The following AGAP2 variants were observed in gnomAD, a reference collection of about 807,000 sequenced individuals.
AGAP2 encodes ArfGAP with GTPase domain, ankyrin repeat and PH domain 2.
AGAP2 carries 32 observed loss-of-function variants against 110.9 expected under a neutral mutation model. The observed-to-expected ratio is 0.29, with a 90% CI of 0.22 to 0.39. AGAP2 has a LOEUF of 0.39. Among genes scored for constraint, AGAP2 ranks in the 10% least tolerant of loss-of-function variants. The pLI, the probability that AGAP2 is intolerant of heterozygous loss-of-function variation, is 1.00. For synonymous variants in AGAP2, 702 were observed against 713.0 expected (o/e 0.98, Z 0.25); for missense variants, 1,285 against 1,638.5 (o/e 0.78, Z 3.72).
chr12:57,735,495 C>T, intron 1 of AGAP2, 68 bp from the exon 2 acceptor site: 3 of 1,433,258 alleles, frequency 2.1e-6, no homozygotes, highest in Non-Finnish European at 1.9e-6. Flanking sequence ...ACTGAGCCAC[C>T]CCTCCTCCCT....
chr12:57,734,152 C>A lies in AGAP2; in HGVS notation c.1423G>T (p.Val475Leu). The A allele has an allele frequency of 6.2e-7, 1 of 1,612,056 alleles. No homozygotes were observed. Among genetic ancestry groups the A allele is most frequent in the South Asian group, 1.1e-5 (1 of 90,812 alleles). The change falls in exon 5 of 19, where the codon GTG (valine) becomes TTG (leucine). Residue 475 changes from valine (V) to leucine (L), a missense_variant. By Grantham distance (32) the Val-to-Leu change is conservative. Around this residue, in one of 7 missense-constraint regions of AGAP2, gnomAD observed 844 missense variants for 941.2 expected, o/e 0.90. Coordinates refer to ENST00000547588, the MANE Select transcript of AGAP2 (RefSeq NM_001122772.3). The part of the protein sequence containing the change: ...DAKFSGWADA[V>L]IFVFSLEDEN... ...TCCTCCAGGCTGAAGACGAAGATCA[C>A]AGCATCTGCCCAGCCTGAGAACTTG...
rs1565799064 is a variant in AGAP2, at chr12:57,738,233, G to A, written c.14C>T (p.Ala5Val). MSRG[A>V]GALQRRTTTY... ...CGTTGTCCGGCGCTGAAGCGCGCCC[G>A]CGCCCCGGCTCATGGGGCCCGGAGA... The change falls in exon 1 of 19, where the codon GCG (alanine) becomes GTG (valine). Residue 5 changes from alanine (A) to valine (V), a missense_variant. Physicochemically the swap from Ala to Val is moderately conservative, Grantham distance 64. This residue lies in a region of AGAP2 where 844 missense variants were observed against 941.2 expected (regional missense o/e 0.90). Transcript: ENST00000547588. The surrounding 1 kb of genome is among the most constrained non-coding windows in gnomAD (Gnocchi z 6.7). 1.3e-6 allele frequency: 2 copies of A among 1,516,226 alleles called. No individual in the cohort carries two copies. Among genetic ancestry groups the A allele is most frequent in the Admixed American group, 2.0e-5 (1 of 49,924 alleles). The allele number at this position is 1,516,226 out of a possible 1,614,324, so 93.9% of individuals were successfully genotyped here.
chr12:57,738,930 G>A (rs1955041616), upstream of AGAP2, among the ~76,000 whole-genome samples: 1 of 151,986 alleles, frequency 6.6e-6, no homozygotes, highest in African/African-American at 2.4e-5. The surrounding 1 kb of genome is among the most constrained non-coding windows in gnomAD (Gnocchi z 6.7). Flanking sequence ...GGCTTGGTCC[G>A]GATGCGCGCT....
intron 14 of AGAP2, 106 bp from the exon 15 acceptor site, chr12:57,728,191 G>A: frequency 1.3e-6 from 2 of 1,517,908 alleles, no homozygotes; most frequent in Non-Finnish European, 1.8e-6. Context: ...TGGGAGTGGG[G>A]CAGTGGGGGT....
At chr12:57,738,949 G>A (rs1353095780), upstream of AGAP2, among the ~76,000 whole-genome samples, 1 of 151,974 alleles carries the variant, frequency 6.6e-6, no homozygotes, top group African/African-American at 2.4e-5. The surrounding 1 kb of genome is among the most constrained non-coding windows in gnomAD (Gnocchi z 6.7). Context: ...CTGTGTCCGG[G>A]CGCTCCCCTC....
At chr12:57,741,797 C>T, upstream of AGAP2, 1 of 1,216,926 alleles carries the variant, frequency 8.2e-7, no homozygotes, top group East Asian at 2.4e-5. Context: ...TTCCCAGAGT[C>T]CCATCTTGGG....
In AGAP2 at chr12:57,728,221, G is replaced by C. The variant is rs1021126935; in HGVS notation, c.2617+97C>G. 4 of 1,522,532 alleles carry C rather than the reference G, an allele frequency of 2.6e-6. No individual in the cohort carries two copies. In the African/African-American group the frequency reaches 5.5e-5, roughly 21 times the overall value. 94.3% of individuals were successfully genotyped at this position (1,522,532 alleles called of 1,614,324 possible). A position where few individuals can be genotyped will look rare whatever the true frequency, so the allele number is the denominator to read the frequency against. ...GGGGGTAGGGAAAGCAGAGGGTGGG[G>C]GGCAGCAGGAAGCCCGAGCACATGC... On this transcript the variant is annotated intron_variant, in intron 14 of 18. Coordinates refer to ENST00000547588, the MANE Select transcript of AGAP2 (RefSeq NM_001122772.3).
At chr12:57,728,484 G>T (rs1220160022) in intron 13 of AGAP2, 107 bp from the exon 14 acceptor site, 1 of 1,161,038 alleles carries the variant, frequency 8.6e-7, no homozygotes, top group Non-Finnish European at 1.3e-6. Context: ...GATGGAGAGA[G>T]ATAGTGACAG....
At position 57,737,929 on chromosome 12, in the gene AGAP2, G is replaced by C. The variant is rs948628055; in HGVS notation, c.318C>G (p.Pro106=). 5 of 1,391,574 alleles carry C rather than the reference G, an allele frequency of 3.6e-6. No homozygotes were observed. The highest frequency in any genetic ancestry group is 1.6e-5 in the South Asian group (1 of 62,612). 86.2% of individuals were successfully genotyped at this position (1,391,574 alleles called of 1,614,324 possible). Residue 106 remains proline (P), a synonymous_variant, in exon 1 of 19, where the codon CCC becomes CCG. Transcript: ENST00000547588. The surrounding 1 kb of genome is among the most constrained non-coding windows in gnomAD (Gnocchi z 5.9). The stretch of plus-strand genomic sequence containing the variant: ...AGAGGGAGAGGCGGCGGCCGGGAGC[G>C]GGGGAGACTGGGCGGGCCGGACTGG... ...APASPARPVS[P]APGRRLSLWA... is the part of the protein sequence containing the mutation.
chr12:57,726,674 C>G lies in AGAP2; in HGVS notation c.3457G>C (p.Gly1153Arg), dbSNP rs906598073. 3 of 1,219,276 alleles carry G rather than the reference C, an allele frequency of 2.5e-6. No homozygotes were observed. The allele number at this position is 1,219,276 out of a possible 1,614,324, so 75.5% of individuals were successfully genotyped here. A position where few individuals can be genotyped will look rare whatever the true frequency, so the allele number is the denominator to read the frequency against. ...LLQHGCPGEG[G>R]SAATTPSAAT... ...GCGCTGGGCGTGGTGGCCGCGCTGC[C>G]GCCCTCACCCGGGCAGCCGTGCTGG... Residue 1153 changes from glycine to arginine, a missense_variant, in exon 19 of 19, where the codon GGC (glycine) becomes CGC (arginine). By Grantham distance (125) the Gly-to-Arg change is moderately radical. Around this residue, in one of 7 missense-constraint regions of AGAP2, gnomAD observed 201 missense variants for 276.1 expected, o/e 0.73. Coordinates refer to ENST00000547588, the MANE Select transcript of AGAP2 (RefSeq NM_001122772.3). The surrounding 1 kb of genome is among the most constrained non-coding windows in gnomAD (Gnocchi z 5.7).
chr12:57,735,718 CAGACAGGG>C (rs1595092945), intron 1 of AGAP2, among the ~76,000 whole-genome samples: 3 of 152,206 alleles, frequency 2.0e-5, no homozygotes, highest in African/African-American at 7.2e-5. Flanking sequence ...GTCCTGGCCC[CAGACAGGG>C]AGACCAGGGC....
At chr12:57,729,416 C>A (rs1470166454) in intron 13 of AGAP2, among the ~76,000 whole-genome samples, 1 of 150,852 alleles carries the variant, frequency 6.6e-6, no homozygotes, top group African/African-American at 2.4e-5. Context: ...ACATGGACAT[C>A]GTTGAGAACA....
At position 57,726,884 on chromosome 12, in the gene AGAP2, G is replaced by T. The variant is rs1954775479; in HGVS notation, c.3336+90C>A. ...CCCACATGGCCAAGCCTACTTCCGG[G>T]GTCCCTCTGGGAATTTCGGGCTTTC... is the stretch of plus-strand genomic sequence containing the variant. On this transcript the variant is annotated intron_variant, in intron 18 of 18. Transcript: ENST00000547588. This position sits in a 1 kb window ranked among gnomAD's most constrained non-coding sequence, Gnocchi z 5.7. The T allele has an allele frequency of 2.1e-6, 3 of 1,462,832 alleles. No individual in the cohort carries two copies. The highest frequency in any genetic ancestry group is 2.7e-6 in the Non-Finnish European group (3 of 1,113,192). 90.6% of individuals were successfully genotyped at this position (1,462,832 alleles called of 1,614,324 possible). A position where few individuals can be genotyped will look rare whatever the true frequency, so the allele number is the denominator to read the frequency against.
In AGAP2 at chr12:57,731,954, C is replaced by A. The variant is rs778307898; in HGVS notation, c.1808G>T (p.Gly603Val). The change falls in exon 8 of 19, where the codon GGC (glycine) becomes GTC (valine). Residue 603 changes from glycine to valine, a missense_variant. Around this residue, in one of 7 missense-constraint regions of AGAP2, gnomAD observed 844 missense variants for 941.2 expected, o/e 0.90. Transcript: ENST00000547588. ...TPVAGQASNG[G>V]HTSDYSSSLP... Reference sequence around the variant, plus strand: ...GGAAGAAGAGTAGTCGCTAGTGTGGCCCCCGTTACTAGCCTGGGCACATAT... The same window carrying A: ...GGAAGAAGAGTAGTCGCTAGTGTGGACCCCGTTACTAGCCTGGGCACATAT... The A allele has an allele frequency of 3.1e-6, 5 of 1,613,528 alleles. No individual in the cohort carries two copies. Among genetic ancestry groups the A allele is most frequent in the East Asian group, 2.2e-5 (1 of 44,872 alleles).
chr12:57,726,352 T>G lies in AGAP2; in HGVS notation c.*200A>C. 2.8e-6 allele frequency: 1 copy of G among 363,394 alleles called. No homozygotes were observed. The highest frequency in any genetic ancestry group is 4.4e-6 in the Non-Finnish European group (1 of 225,184). The allele number at this position is 363,394 out of a possible 1,614,324, so 22.5% of individuals were successfully genotyped here. The stretch of plus-strand genomic sequence containing the variant: ...GGAGAGGGGGCGTGTTGAGCTGGGG[T>G]CTCCATGCCTCGTTGGGGAGAGGGA... On this transcript the variant is annotated 3_prime_UTR_variant, in exon 19 of 19. Coordinates refer to ENST00000547588, the MANE Select transcript of AGAP2 (RefSeq NM_001122772.3). The surrounding 1 kb of genome is among the most constrained non-coding windows in gnomAD (Gnocchi z 5.7).
upstream of AGAP2, chr12:57,741,899 A>G (rs553541357): frequency 6.2e-7 from 1 of 1,610,684 alleles, no homozygotes; most frequent in East Asian, 2.2e-5. Flanking sequence ...TTGAGGGCTG[A>G]CCTTTCTCTT....
chr12:57,740,779 A>C (rs1238372996), upstream of AGAP2, among the ~76,000 whole-genome samples: 1 of 152,126 alleles, frequency 6.6e-6, no homozygotes, highest in African/African-American at 2.4e-5. Context: ...AGGAGGTGAG[A>C]GGGGCACTAG....
intron 13 of AGAP2, 109 bp from the exon 14 acceptor site, chr12:57,728,486 T>C (rs1408874681): frequency 1.4e-5 from 16 of 1,157,238 alleles, no homozygotes; most frequent in Non-Finnish European, 1.9e-5. Context: ...TGGAGAGAGA[T>C]AGTGACAGAG....
chr12:57,724,014 A>C (rs1223002623), downstream of AGAP2: 1 of 152,432 alleles, frequency 6.6e-6, no homozygotes, highest in East Asian at 1.9e-4. Flanking sequence ...CAGGTCCTCT[A>C]GTCCAATCTT....
Sources: gnomAD v4.1 joint callset for allele counts (sites outside exome capture counted in the v4.1 genomes callset) on GRCh38, gnomAD v4.1.1 for gene constraint, gnomAD v4.1.1 regional missense constraint, Gnocchi (gnomAD v3.1) non-coding constraint, MANE v1.5 for transcripts, NCBI Gene and HGNC (gene_info 2026-07-23, HGNC 2026-07-21) for gene names.